EIF2AK1: variants seen among roughly 807,000 people sequenced by gnomAD.
EIF2AK1 encodes eukaryotic translation initiation factor 2-alpha kinase 1.
In EIF2AK1, 54 loss-of-function variants were observed where a neutral mutation model predicts 77.9. The observed-to-expected ratio is 0.69, with a 90% CI of 0.56 to 0.87. The LOEUF (loss-of-function observed/expected upper bound fraction) is 0.87. Among genes scored for constraint, EIF2AK1 ranks in the 40% least tolerant of loss-of-function variants. The pLI, the probability that EIF2AK1 is intolerant of heterozygous loss-of-function variation, is 0.00. For missense variants in EIF2AK1, 810 were observed against 768.6 expected (o/e 1.05, Z -0.64); for synonymous variants, 314 against 290.5 (o/e 1.08, Z -0.82).
At position 6,036,510 on chromosome 7, in the gene EIF2AK1, A is replaced by C. The variant is rs899014801; in HGVS notation, c.1332+914T>G. 3.6e-6 allele frequency: 2 copies of C among 558,286 alleles called. No individual in the cohort carries two copies. Among genetic ancestry groups the C allele is most frequent in the Non-Finnish European group, 5.7e-6 (2 of 353,286 alleles). The allele number at this position is 558,286 out of a possible 1,614,324, so 34.6% of individuals were successfully genotyped here. ...GACATCCCAAATGTACAAACTACTG[A>C]TTCTTGAACATGTTCCAAAATACAA... On this transcript the variant is annotated intron_variant, in intron 11 of 14. Coordinates refer to ENST00000199389, the MANE Select transcript of EIF2AK1 (RefSeq NM_014413.4). The surrounding 1 kb of genome is among the most constrained non-coding windows in gnomAD (Gnocchi z 4.6).
chr7:6,051,228 T>A (rs909364638), intron 2 of EIF2AK1, among the ~76,000 whole-genome samples: 3 of 151,634 alleles, frequency 2.0e-5, no homozygotes, highest in Non-Finnish European at 4.4e-5. Context: ...TGGCTCCTAC[T>A]CATTCAACAA....
At position 6,036,330 on chromosome 7, in the gene EIF2AK1, C is replaced by T; in HGVS notation, c.1332+1094G>A. On this transcript the variant is annotated intron_variant, in intron 11 of 14. Coordinates refer to ENST00000199389, the MANE Select transcript of EIF2AK1 (RefSeq NM_014413.4). The surrounding 1 kb of genome is among the most constrained non-coding windows in gnomAD (Gnocchi z 4.6). ...CAAACAGCACTTGAAGCAATTCCTC[C>T]CAGTGACAATATGGAATTCTGTCTA... 2.6e-6 allele frequency: 4 copies of T among 1,539,172 alleles called. No homozygotes were observed. Among genetic ancestry groups the T allele is most frequent in the Non-Finnish European group, 3.5e-6 (4 of 1,143,132 alleles).
rs1491019113 is a variant in EIF2AK1, at chr7:6,026,977, AAG to A, written c.1531-18_1531-17del. ...ACATATCTGACTGGAAAAAGAAAAA[AAG>A]GGGAACTCAGTAGTGAAATACAAAG... is the stretch of plus-strand genomic sequence containing the variant. On this transcript the variant is annotated splice_polypyrimidine_tract_variant and intron_variant, in intron 13 of 14. Coordinates refer to ENST00000199389, the MANE Select transcript of EIF2AK1 (RefSeq NM_014413.4). 4 of 1,597,832 alleles carry A rather than the reference AAG, an allele frequency of 2.5e-6. No individual in the cohort carries two copies. Among genetic ancestry groups the A allele is most frequent in the Non-Finnish European group, 3.4e-6 (4 of 1,166,204 alleles).
Position 6,035,604 on chromosome 7 carries a change from G to A in EIF2AK1, c.1332+1820C>T, listed in dbSNP as rs1446208214. ...CATCTTGTGTGCGCACGGAGCTCAA[G>A]TGAACACTCAAGGGGAAATCAGCAA... On this transcript the variant is annotated intron_variant, in intron 11 of 14. Coordinates refer to ENST00000199389, the MANE Select transcript of EIF2AK1 (RefSeq NM_014413.4). This position sits in a 1 kb window ranked among gnomAD's most constrained non-coding sequence, Gnocchi z 5.5. The A allele has an allele frequency of 6.4e-7, 1 of 1,550,890 alleles. No individual in the cohort carries two copies. The highest frequency in any genetic ancestry group is 1.4e-5 in the African/African-American group (1 of 73,020).
chr7:6,053,507 G>T (rs1788664661), intron 2 of EIF2AK1, among the ~76,000 whole-genome samples: 1 of 151,472 alleles, frequency 6.6e-6, no homozygotes, highest in African/African-American at 2.4e-5. Context: ...TGGGATTACA[G>T]GTGCCCGCCA....
Position 6,023,829 on chromosome 7 carries a change from A to C in EIF2AK1, c.*844T>G. 1.3e-6 allele frequency: 2 copies of C among 1,558,804 alleles called. No homozygotes were observed. Among genetic ancestry groups the C allele is most frequent in the Admixed American group, 1.9e-5 (1 of 51,554 alleles). On this transcript the variant is annotated 3_prime_UTR_variant, in exon 15 of 15. Coordinates refer to ENST00000199389, the MANE Select transcript of EIF2AK1 (RefSeq NM_014413.4). ...TCAAGTGTCAATAAAAGCATCATGT[A>C]ATTTATGGTTTTCATTTTATTTAAA...
Position 6,037,446 on chromosome 7 carries a change from C to G in EIF2AK1, c.1310G>C (p.Gly437Ala), listed in dbSNP as rs768664804. ...TACCTTCAGATCTCGGTGCACAATT[C>G]CCATGTTATGTATGTAAAACACACC... ...VEGVFYIHNM[G>A]IVHRDLKPRN... The change falls in exon 11 of 15, where the codon GGA becomes GCA. Residue 437 changes from glycine (G) to alanine (A), a missense_variant. Transcript: ENST00000199389. The G allele has an allele frequency of 1.2e-6, 2 of 1,611,530 alleles. No individual in the cohort carries two copies. Among genetic ancestry groups the G allele is most frequent in the Non-Finnish European group, 1.7e-6 (2 of 1,178,732 alleles).
chr7:6,044,437 C>CAAA, intron 7 of EIF2AK1, 125 bp downstream of exon 7: 1 of 733,250 alleles, frequency 1.4e-6, no homozygotes. Flanking sequence ...GACTCCGTCT[C>CAAA]AAAAAAAAAT....
chr7:6,041,756 G>T (rs777016271), intron 8 of EIF2AK1, among the ~76,000 whole-genome samples: 14 of 150,850 alleles, frequency 9.3e-5, no homozygotes, highest in African/African-American at 3.4e-4. Context: ...CAGGAGAATC[G>T]CTTGAACCCG....
chr7:6,044,525 C>G, intron 7 of EIF2AK1, 37 bp downstream of exon 7: 1 of 1,570,890 alleles, frequency 6.4e-7, no homozygotes, highest in Non-Finnish European at 8.7e-7. Flanking sequence ...TAAAGTTTGC[C>G]AACGCTTCAA....
At chr7:6,042,122 C>T (rs1788316441) in intron 8 of EIF2AK1, among the ~76,000 whole-genome samples, 1 of 152,024 alleles carries the variant, frequency 6.6e-6, no homozygotes, top group South Asian at 2.1e-4. Flanking sequence ...GCACTCCAGC[C>T]TGGACAAAAG....
chr7:6,042,450 CAAA>C (rs1156450907), intron 8 of EIF2AK1, among the ~76,000 whole-genome samples: 1 of 104,962 alleles, frequency 9.5e-6, no homozygotes, highest in Non-Finnish European at 2.0e-5. Flanking sequence ...GACTCCATCT[CAAA>C]AAAAAAAAAA....
chr7:6,024,216 G>C lies in EIF2AK1; in HGVS notation c.*457C>G. 3 of 1,231,878 alleles carry C rather than the reference G, an allele frequency of 2.4e-6. No individual in the cohort carries two copies. Among genetic ancestry groups the C allele is most frequent in the Non-Finnish European group, 3.1e-6 (3 of 962,784 alleles). The allele number at this position is 1,231,878 out of a possible 1,614,324, so 76.3% of individuals were successfully genotyped here. On this transcript the variant is annotated 3_prime_UTR_variant, in exon 15 of 15. Transcript: ENST00000199389. The stretch of plus-strand genomic sequence containing the variant: ...GAGGCAGCAGAAGGTTTGGAGCCAA[G>C]GAATGAAATGATGAGGCGTCCTTCA...
intron 4 of EIF2AK1, 131 bp from the exon 5 acceptor site, chr7:6,047,222 T>C (rs1198034974): frequency 2.1e-6 from 2 of 966,536 alleles, no homozygotes; most frequent in Non-Finnish European, 1.6e-6. Flanking sequence ...TTGGAAAGGA[T>C]GGGCTAAAAT....
chr7:6,023,574 G>C lies in EIF2AK1; in HGVS notation c.*1099C>G. ...TCACCGTAGCAGACGTGGTGCTGTG[G>C]TCTGTACTCCAGCAGATCGGAGGCT... On this transcript the variant is annotated 3_prime_UTR_variant, in exon 15 of 15. Transcript: ENST00000199389. The C allele has an allele frequency of 6.2e-7, 1 of 1,614,216 alleles. No individual in the cohort carries two copies. Among genetic ancestry groups the C allele is most frequent in the South Asian group, 1.1e-5 (1 of 91,088 alleles).
Position 6,026,918 on chromosome 7 carries a change from T to C in EIF2AK1, c.1574A>G (p.Gln525Arg). The C allele has an allele frequency of 6.2e-7, 1 of 1,614,024 alleles. No homozygotes were observed. Residue 525 changes from glutamine to arginine, a missense_variant, in exon 14 of 15, where the codon CAG (glutamine) becomes CGG (arginine). Coordinates refer to ENST00000199389, the MANE Select transcript of EIF2AK1 (RefSeq NM_014413.4). ...TCGCTCCATTTCTGTTCCAAACGGC[T>C]GAAAGAGCTCTAGCAGGACCACACC... ...SLGVVLLELF[Q>R]PFGTEMERAE...
chr7:6,044,648 A>G lies in EIF2AK1; in HGVS notation c.644T>C (p.Val215Ala). ...GTGCTGAAGACCTGCCAGCACCTTC[A>G]CTTCCCGTAGGACCTAGAAAAGAAA... ...KTVCMKVLRE[V>A]KVLAGLQHPN... Residue 215 changes from valine (V) to alanine (A), a missense_variant, in exon 7 of 15, where the codon GTG (valine) becomes GCG (alanine). By Grantham distance (64) the Val-to-Ala change is moderately conservative. Transcript: ENST00000199389. The G allele has an allele frequency of 6.2e-7, 1 of 1,613,952 alleles. No homozygotes were observed. The highest frequency in any genetic ancestry group is 8.5e-7 in the Non-Finnish European group (1 of 1,179,934).
intron 14 of EIF2AK1, chr7:6,026,314 G>A: frequency 2.6e-6 from 1 of 390,508 alleles, no homozygotes; most frequent in East Asian, 7.2e-5. Flanking sequence ...GGCAGGTGGT[G>A]AAGGGTCAGA....
chr7:6,026,329 G>T, intron 14 of EIF2AK1: 1 of 410,748 alleles, frequency 2.4e-6, no homozygotes. Context: ...GTCAGAGTTT[G>T]ACCTGGACAT....
Sources: allele counts gnomAD v4.1 joint callset (sites outside exome capture counted in the v4.1 genomes callset), GRCh38; gene constraint gnomAD v4.1.1; non-coding constraint Gnocchi (gnomAD v3.1); transcripts MANE v1.5; gene names NCBI Gene and HGNC (gene_info 2026-07-23, HGNC 2026-07-21).